Variants in GANC observed in about 807,000 individuals in gnomAD.
GANC encodes glucosidase alpha, neutral C.
GANC carries 117 observed loss-of-function variants against 124.2 expected under a neutral mutation model. That is an observed-to-expected ratio of 0.94 (90% CI 0.81 to 1.10). The LOEUF (loss-of-function observed/expected upper bound fraction) is 1.10. Among genes scored for constraint, GANC ranks in the 50% least tolerant of loss-of-function variants. The pLI is 0.00. For missense variants in GANC, 1,140 were observed against 1,095.0 expected (o/e 1.04, Z -0.58); for synonymous variants, 377 against 376.8 (o/e 1.00, Z -0.01).
chr15:42,316,625 G>T (rs911716740), intron 10 of GANC, among the ~76,000 whole-genome samples: 1 of 152,214 alleles, frequency 6.6e-6, no homozygotes, highest in Admixed American at 6.5e-5. Flanking sequence ...GACAAGGAAC[G>T]TGACCATTGA....
chr15:42,346,395 G>C (rs965210200), intron 20 of GANC, among the ~76,000 whole-genome samples: 2 of 152,146 alleles, frequency 1.3e-5, no homozygotes, highest in South Asian at 2.1e-4. Context: ...AACTGGTCCA[G>C]GGTTTCTTTT....
intron 3 of GANC, among the ~76,000 whole-genome samples, chr15:42,287,006 GCTT>G (rs1159713596): frequency 6.6e-6 from 1 of 152,152 alleles, no homozygotes; most frequent in African/African-American, 2.4e-5. Context: ...TTCTCCTAGA[GCTT>G]CTTGTTCTGT....
intron 6 of GANC, among the ~76,000 whole-genome samples, chr15:42,305,617 A>G (rs2141040064): frequency 6.6e-6 from 1 of 152,332 alleles, no homozygotes; most frequent in African/African-American, 2.4e-5. Context: ...AAGAATTATA[A>G]ATCATTCTAT....
intron 10 of GANC, among the ~76,000 whole-genome samples, chr15:42,316,871 GC>G: frequency 6.6e-6 from 1 of 152,320 alleles, no homozygotes; most frequent in Non-Finnish European, 1.5e-5. Context: ...CTCACCTCTT[GC>G]CTTCTAGGTC....
chr15:42,327,543 G>T, intron 13 of GANC, 101 bp downstream of exon 13: 2 of 964,092 alleles, frequency 2.1e-6, no homozygotes, highest in Non-Finnish European at 3.2e-6. Flanking sequence ...AGTAGCTTTT[G>T]ATATATAATG....
intron 3 of GANC, among the ~76,000 whole-genome samples, chr15:42,282,125 A>C (rs1243154049): frequency 1.3e-5 from 2 of 152,194 alleles, no homozygotes; most frequent in African/African-American, 4.8e-5. Context: ...GTTCAAGACC[A>C]GCCTGACCAA....
chr15:42,314,173 G>C, intron 10 of GANC: 1 of 761,670 alleles, frequency 1.3e-6, no homozygotes, highest in Non-Finnish European at 2.4e-6. Flanking sequence ...TTGGATATGG[G>C]ATTGGACAAG....
intron 18 of GANC, among the ~76,000 whole-genome samples, chr15:42,341,727 T>C (rs2052330604): frequency 6.6e-6 from 1 of 152,176 alleles, no homozygotes; most frequent in East Asian, 1.9e-4. Context: ...TATGCCTGGC[T>C]AATTTTTTCT....
In GANC at chr15:42,353,497, T is replaced by G. The variant is rs2052478145; in HGVS notation, c.*1358T>G. On this transcript the variant is annotated 3_prime_UTR_variant, in exon 24 of 24. Coordinates refer to ENST00000318010, the MANE Select transcript of GANC (RefSeq NM_198141.3). ...ACTTAGCATTCTCAGGGATCATACC[T>G]TAATGTTTTCAGTATGTCTGCGTTC... is the stretch of plus-strand genomic sequence containing the variant. 1.1e-6 allele frequency: 1 copy of G among 942,190 alleles called. No individual in the cohort carries two copies. Among genetic ancestry groups the G allele is most frequent in the South Asian group, 4.9e-5 (1 of 20,210 alleles). The allele number at this position is 942,190 out of a possible 1,614,324, so 58.4% of individuals were successfully genotyped here. A position where few individuals can be genotyped will look rare whatever the true frequency, so the allele number is the denominator to read the frequency against.
chr15:42,314,312 G>A, intron 10 of GANC: 1 of 596,732 alleles, frequency 1.7e-6, no homozygotes, highest in Non-Finnish European at 3.0e-6. Flanking sequence ...AAAGGGTTTT[G>A]CTGCTGTCTC....
At chr15:42,336,164 C>T (rs1177457733) in intron 15 of GANC, among the ~76,000 whole-genome samples, 2 of 148,766 alleles carry the variant, frequency 1.3e-5, no homozygotes, top group African/African-American at 5.0e-5. Context: ...AAAAAAAGAG[C>T]CTGAATAACC....
At chr15:42,336,137 CAAAA>C (rs112853909) in intron 15 of GANC, among the ~76,000 whole-genome samples, 1 of 129,416 alleles carries the variant, frequency 7.7e-6, no homozygotes, top group Non-Finnish European at 1.7e-5. Flanking sequence ...CATATTGAAC[CAAAA>C]AAAAAAAAGA....
intron 4 of GANC, among the ~76,000 whole-genome samples, chr15:42,289,321 G>C (rs2051820254): frequency 6.6e-6 from 1 of 152,142 alleles, no homozygotes; most frequent in African/African-American, 2.4e-5. Flanking sequence ...ACTCATCTCT[G>C]AATCATAGCT....
intron 6 of GANC, 33 bp from the exon 7 acceptor site, chr15:42,306,513 A>C: frequency 6.4e-7 from 1 of 1,563,894 alleles, no homozygotes; most frequent in Non-Finnish European, 8.7e-7. Flanking sequence ...TGCAATTTGT[A>C]AACTCAGTTT....
chr15:42,286,442 T>C (rs2051789363), intron 3 of GANC, among the ~76,000 whole-genome samples: 1 of 152,206 alleles, frequency 6.6e-6, no homozygotes, highest in Non-Finnish European at 1.5e-5. Flanking sequence ...AGAAAATACA[T>C]AATCTAACAG....
At chr15:42,304,693 C>T (rs2051976670) in intron 6 of GANC, among the ~76,000 whole-genome samples, 1 of 152,198 alleles carries the variant, frequency 6.6e-6, no homozygotes, top group Admixed American at 6.5e-5. Context: ...CTGGAGTTAT[C>T]ACTCTACCTG....
In GANC at chr15:42,273,745, T is replaced by C; in HGVS notation, c.-737T>C. On this transcript the variant is annotated 5_prime_UTR_variant, in exon 1 of 24. Transcript: ENST00000318010. ...TCTCTACTTCCGCTCGCCCCAGCCC[T>C]TCATCCCTTCTAAGTCAATGTCAGA... The C allele has an allele frequency of 3.6e-6, 1 of 281,506 alleles. No homozygotes were observed. Among genetic ancestry groups the C allele is most frequent in the Non-Finnish European group, 7.0e-6 (1 of 142,638 alleles). 17.4% of individuals were successfully genotyped at this position (281,506 alleles called of 1,614,324 possible).
At chr15:42,296,488 G>T (rs946030975) in intron 5 of GANC, among the ~76,000 whole-genome samples, 1 of 152,262 alleles carries the variant, frequency 6.6e-6, no homozygotes, top group East Asian at 1.9e-4. Context: ...CCAATTGCAG[G>T]TTCAAGCAAT....
In GANC at chr15:42,338,401, C is replaced by T. The variant is rs758749734; in HGVS notation, c.1754C>T (p.Thr585Ile). 1.2e-6 allele frequency: 2 copies of T among 1,613,382 alleles called. No homozygotes were observed. The highest frequency in any genetic ancestry group is 1.1e-5 in the South Asian group (1 of 91,014). ...AGSQKYGAVW[T>I]GDNTAEWSNL... ...CTGGTGACCAAAGGTGCCGTGTGGA[C>T]AGGCGACAACACAGCAGAATGGAGC... Residue 585 changes from threonine to isoleucine, a missense_variant, in exon 16 of 24, where the codon ACA becomes ATA. Coordinates refer to ENST00000318010, the MANE Select transcript of GANC (RefSeq NM_198141.3).
Sources: allele counts gnomAD v4.1 joint callset (sites outside exome capture counted in the v4.1 genomes callset), GRCh38; gene constraint gnomAD v4.1.1; transcripts MANE v1.5; gene names NCBI Gene and HGNC (gene_info 2026-07-23, HGNC 2026-07-21).